USP13: variants seen among roughly 807,000 people sequenced by gnomAD.
USP13 encodes ubiquitin carboxyl-terminal hydrolase 13.
A neutral mutation model predicts 107.8 loss-of-function variants in USP13; 68 were observed. The observed-to-expected ratio is 0.63, with a 90% CI of 0.52 to 0.77. USP13 has a LOEUF of 0.77. USP13 is among the 30% of genes least tolerant of loss of function. The probability of loss-of-function intolerance (pLI) is 0.00; values close to 1 mark genes in which losing one functional copy is unlikely to be tolerated. For missense variants in USP13, 945 were observed against 1,093.3 expected (o/e 0.86, Z 1.91); for synonymous variants, 377 against 389.5 (o/e 0.97, Z 0.38).
chr3:179,779,897 A>G (rs1715686715), intron 19 of USP13, among the ~76,000 whole-genome samples: 1 of 152,164 alleles, frequency 6.6e-6, no homozygotes, highest in Admixed American at 6.5e-5. Flanking sequence ...TGGAGATTGT[A>G]TGAAGCATTT....
At chr3:179,661,207 C>T (rs1012276679) in intron 1 of USP13, among the ~76,000 whole-genome samples, 5 of 152,134 alleles carry the variant, frequency 3.3e-5, no homozygotes, top group African/African-American at 1.2e-4. Flanking sequence ...AGAGGGTTAC[C>T]AGGCCTTACT....
intron 8 of USP13, among the ~76,000 whole-genome samples, chr3:179,728,288 T>C (rs1365305012): frequency 8.5e-6 from 1 of 117,296 alleles, no homozygotes; most frequent in African/African-American, 3.3e-5. Flanking sequence ...GGGCGGAGGG[T>C]CTCCTCACTT....
chr3:179,747,578 C>G (rs1158420513), intron 13 of USP13, among the ~76,000 whole-genome samples: 1 of 152,178 alleles, frequency 6.6e-6, no homozygotes, highest in East Asian at 1.9e-4. Context: ...AGGAAGCAGC[C>G]TTTTCAACAC....
intron 5 of USP13, among the ~76,000 whole-genome samples, chr3:179,708,286 C>G (rs932333314): frequency 1.6e-4 from 24 of 149,734 alleles, no homozygotes; most frequent in African/African-American, 5.6e-4. Context: ...AGTGATCCTG[C>G]TGCTCTGGGA....
Position 179,784,865 on chromosome 3 carries a change from A to T in USP13, c.*724A>T, listed in dbSNP as rs1024506012. ...TAAGCATATCTGAAAAAAGCAAGTA[A>T]ATATTTTAACAAAACTATGACTCAG... On this transcript the variant is annotated 3_prime_UTR_variant, in exon 21 of 21. Transcript: ENST00000263966. 6.6e-6 allele frequency: 1 copy of T among 152,206 alleles called. No individual in the cohort carries two copies. Among genetic ancestry groups the T allele is most frequent in the Non-Finnish European group, 1.5e-5 (1 of 68,040 alleles). The allele number at this position is 152,206 out of a possible 1,614,324, so 9.4% of individuals were successfully genotyped here.
chr3:179,721,311 A>C lies in USP13; in HGVS notation c.901-91A>C, dbSNP rs1039687759. On this transcript the variant is annotated intron_variant, in intron 7 of 20. Transcript: ENST00000263966. This position sits in a 1 kb window ranked among gnomAD's most constrained non-coding sequence, Gnocchi z 4.3. The stretch of plus-strand genomic sequence containing the variant: ...GTAATTGGGGAAAAAAATGGCAGAA[A>C]CATCCTATGCTGTTAGAAATAATTA... 1.4e-6 allele frequency: 2 copies of C among 1,408,694 alleles called. No individual in the cohort carries two copies. Among genetic ancestry groups the C allele is most frequent in the East Asian group, 4.7e-5 (2 of 42,390 alleles). The allele number at this position is 1,408,694 out of a possible 1,614,324, so 87.3% of individuals were successfully genotyped here.
intron 4 of USP13, 75 bp downstream of exon 4, chr3:179,701,204 T>A: frequency 5.2e-6 from 1 of 192,176 alleles, no homozygotes; most frequent in African/African-American, 3.9e-5. Flanking sequence ...GCGATGTGTG[T>A]GTGCGGGGGT....
chr3:179,730,042 G>C, intron 8 of USP13, 147 bp from the exon 9 acceptor site: 1 of 664,420 alleles, frequency 1.5e-6, no homozygotes, highest in Non-Finnish European at 2.6e-6. Flanking sequence ...TGCTGGTAGG[G>C]GTAGAATCTC....
At chr3:179,701,221 G>C in intron 4 of USP13, 92 bp downstream of exon 4, 1 of 757,370 alleles carries the variant, frequency 1.3e-6, no homozygotes, top group Admixed American at 3.0e-5. Flanking sequence ...GGGTGGGGTG[G>C]GGTGGGAAAA....
chr3:179,688,083 A>ATCCATCCATCCGTCTG (rs1420269355), intron 2 of USP13, among the ~76,000 whole-genome samples: 1 of 112,774 alleles, frequency 8.9e-6, no homozygotes, highest in African/African-American at 3.3e-5. Flanking sequence ...CAGGATATCC[A>ATCCATCCATCCGTCTG]TCCATCCATC....
At chr3:179,776,168 C>T (rs1210493194) in intron 19 of USP13, among the ~76,000 whole-genome samples, 1 of 152,096 alleles carries the variant, frequency 6.6e-6, no homozygotes, top group Non-Finnish European at 1.5e-5. Context: ...GATCAGGAGC[C>T]AGCAACTTTT....
chr3:179,689,614 C>T (rs1203836822), intron 2 of USP13, among the ~76,000 whole-genome samples: 5 of 151,406 alleles, frequency 3.3e-5, no homozygotes, highest in Non-Finnish European at 5.9e-5. Context: ...GCCGAGACTG[C>T]GCCACTGCAC....
chr3:179,659,226 C>A (rs1335196070), intron 1 of USP13, among the ~76,000 whole-genome samples: 1 of 152,166 alleles, frequency 6.6e-6, no homozygotes, highest in Non-Finnish European at 1.5e-5. Context: ...ACTTTGAGAT[C>A]TCCATCTACT....
intron 1 of USP13, among the ~76,000 whole-genome samples, chr3:179,661,630 A>G (rs1348742234): frequency 6.6e-6 from 1 of 151,866 alleles, no homozygotes; most frequent in African/African-American, 2.4e-5. Flanking sequence ...GTCTACCAGT[A>G]TTTAGGGAAC....
chr3:179,679,363 T>C (rs1015008982), intron 1 of USP13, among the ~76,000 whole-genome samples: 3 of 152,324 alleles, frequency 2.0e-5, no homozygotes, highest in Non-Finnish European at 2.9e-5. Flanking sequence ...TCAATGTTTG[T>C]TTTGATATTG....
At chr3:179,734,662 G>C (rs1365452250) in intron 10 of USP13, among the ~76,000 whole-genome samples, 1 of 152,238 alleles carries the variant, frequency 6.6e-6, no homozygotes, top group African/African-American at 2.4e-5. Flanking sequence ...TGAAATATGA[G>C]TAATAGTTCG....
rs1432517732 is a variant in USP13, at chr3:179,757,083, G to A, written c.1948+5G>A. ...TGATGAACCAATTGATAGACCGTAT[G>A]TATCTTTAAAAATGTTTCTCAATGT... is the stretch of plus-strand genomic sequence containing the variant. On this transcript the variant is annotated splice_donor_5th_base_variant and intron_variant, in intron 16 of 20. Coordinates refer to ENST00000263966, the MANE Select transcript of USP13 (RefSeq NM_003940.3). The A allele has an allele frequency of 1.9e-6, 3 of 1,613,728 alleles. No homozygotes were observed. Among genetic ancestry groups the A allele is most frequent in the African/African-American group, 2.7e-5 (2 of 75,012 alleles).
At chr3:179,758,672 G>C (rs976503345) in intron 16 of USP13, among the ~76,000 whole-genome samples, 1 of 151,770 alleles carries the variant, frequency 6.6e-6, no homozygotes, top group Admixed American at 6.6e-5. Context: ...CTCATTTTTT[G>C]TATTTTTAGT....
chr3:179,771,896 G>T (rs995193690), intron 19 of USP13, among the ~76,000 whole-genome samples: 4 of 152,220 alleles, frequency 2.6e-5, no homozygotes, highest in Non-Finnish European at 4.4e-5. Context: ...AAAGGTTAGT[G>T]CTATTAACAC....
Sources: gnomAD v4.1 joint callset for allele counts (sites outside exome capture counted in the v4.1 genomes callset) on GRCh38, gnomAD v4.1.1 for gene constraint, Gnocchi (gnomAD v3.1) non-coding constraint, MANE v1.5 for transcripts, NCBI Gene and HGNC (gene_info 2026-07-23, HGNC 2026-07-21) for gene names.